Variants in PCDHGA6 observed in about 807,000 individuals in gnomAD.
The protein encoded by PCDHGA6 is protocadherin gamma subfamily A, 6.
A neutral mutation model predicts 60.6 loss-of-function variants in PCDHGA6; 41 were observed. That is an observed-to-expected ratio of 0.68 (90% CI 0.53 to 0.88). The LOEUF is 0.88. Among genes scored for constraint, PCDHGA6 ranks in the 40% least tolerant of loss-of-function variants. The pLI is 0.00. For synonymous variants in PCDHGA6, 594 were observed against 524.4 expected, an observed-to-expected ratio of 1.13 and a Z score of -1.81; for missense variants, 1,312 against 1,203.0, an observed-to-expected ratio of 1.09 and a Z score of -1.34.
In PCDHGA6 at chr5:141,490,654, C is replaced by A; in HGVS notation, c.2425-4153C>A. On this transcript the variant is annotated intron_variant, in intron 1 of 3. Transcript: ENST00000517434. The surrounding 1 kb of genome is among the most constrained non-coding windows in gnomAD (Gnocchi z 5.4). ...CCTAGAAAACCGGCCTCCGGGCTCC[C>A]TTCTTTGCACTGTGGCTGCCTCAGA... 6.2e-7 allele frequency: 1 copy of A among 1,614,206 alleles called. No individual in the cohort carries two copies. Among genetic ancestry groups the A allele is most frequent in the Non-Finnish European group, 8.5e-7 (1 of 1,180,014 alleles).
rs2099521625 is a variant in PCDHGA6, at chr5:141,480,568, G to A, written c.2425-14239G>A. 2.0e-5 allele frequency among the ~76,000 whole-genome samples: 3 copies of A among 152,338 alleles called. No individual in the cohort carries two copies. The South Asian group carries it at 6.2e-4, about 32-fold the overall frequency. Reference sequence around the variant, plus strand: ...AAAGGCTAAGAAAGCATGAAAGCCAGCAAGAAATAACTGCCGCTCTTCTGG... The same window carrying A: ...AAAGGCTAAGAAAGCATGAAAGCCAACAAGAAATAACTGCCGCTCTTCTGG... On this transcript the variant is annotated intron_variant, in intron 1 of 3. Coordinates refer to ENST00000517434, the MANE Select transcript of PCDHGA6 (RefSeq NM_018919.3).
At chr5:141,410,471 G>GC in intron 1 of PCDHGA6, 1 of 1,613,988 alleles carries the variant, frequency 6.2e-7, no homozygotes, top group Non-Finnish European at 8.5e-7. Flanking sequence ...TCTGTGCATT[G>GC]CACATACGGG....
At chr5:141,422,122 A>C in intron 1 of PCDHGA6, 1 of 1,601,714 alleles carries the variant, frequency 6.2e-7, no homozygotes, top group Non-Finnish European at 8.5e-7. Context: ...GGATTCACAA[A>C]CTGGAGAAGT....
At chr5:141,389,582 T>C (rs1266016569) in intron 1 of PCDHGA6, 2 of 1,613,146 alleles carry the variant, frequency 1.2e-6, no homozygotes, top group Non-Finnish European at 1.7e-6. Context: ...CCGCGCTGGG[T>C]CCCGACGGCT....
At chr5:141,450,006 C>CTTTTTT (rs1554136305) in intron 1 of PCDHGA6, among the ~76,000 whole-genome samples, 15 of 132,950 alleles carry the variant, frequency 1.1e-4, no homozygotes, top group African/African-American at 2.0e-4. Context: ...TGCCATGTCT[C>CTTTTTT]TTTTTTTTTT....
chr5:141,417,704 A>G, intron 1 of PCDHGA6: 2 of 1,207,460 alleles, frequency 1.7e-6, no homozygotes, highest in Non-Finnish European at 1.1e-6. Context: ...GCTCCCACAC[A>G]GAGGCTCCCG....
At chr5:141,414,043 G>A in intron 1 of PCDHGA6, 1 of 1,611,348 alleles carries the variant, frequency 6.2e-7, no homozygotes, top group Non-Finnish European at 8.5e-7. Context: ...AAAATTACCT[G>A]ACACGCAATT....
Position 141,486,885 on chromosome 5 carries a change from G to A in PCDHGA6, c.2425-7922G>A, listed in dbSNP as rs139638334. On this transcript the variant is annotated intron_variant, in intron 1 of 3. Transcript: ENST00000517434. The surrounding 1 kb of genome is among the most constrained non-coding windows in gnomAD (Gnocchi z 5.0). ...CCAGCTGTGCTCCGTCCTCGGGCCC[G>A]GCCTGGTTCCTTATGTCCCCAAGCA... is the stretch of plus-strand genomic sequence containing the variant. 16 of 1,614,076 alleles carry A rather than the reference G, an allele frequency of 9.9e-6. No individual in the cohort carries two copies. The highest frequency in any genetic ancestry group is 1.6e-4 in the Middle Eastern group (1 of 6,084).
intron 2 of PCDHGA6, among the ~76,000 whole-genome samples, chr5:141,502,056 C>T (rs1163976282): frequency 1.3e-5 from 2 of 152,116 alleles, no homozygotes; most frequent in Non-Finnish European, 2.9e-5. Flanking sequence ...CTACTTTATT[C>T]CCATTAGCCC....
At chr5:141,409,462 C>A (rs377705841) in intron 1 of PCDHGA6, 64 of 1,613,870 alleles carry the variant, frequency 4.0e-5, no homozygotes, top group Non-Finnish European at 5.3e-5. Flanking sequence ...AATACAATGT[C>A]ACCATCGTAG....
chr5:141,389,784 G>C (rs1380763543), intron 1 of PCDHGA6: 2 of 1,613,318 alleles, frequency 1.2e-6, no homozygotes, highest in South Asian at 2.2e-5. Flanking sequence ...AGGCGACAGG[G>C]ACGCCGTCCG....
chr5:141,472,980 C>CAAAAAAAAAAAAAAAAAAGAAAAAAA (rs60579131), intron 1 of PCDHGA6, among the ~76,000 whole-genome samples: 1 of 86,106 alleles, frequency 1.2e-5, no homozygotes, highest in South Asian at 4.3e-4. Flanking sequence ...GAGTGAAACT[C>CAAAAAAAAAAAAAAAAAAGAAAAAAA]AAAAAAAAAA....
Position 141,432,488 on chromosome 5 carries a change from C to G in PCDHGA6, c.2424+55981C>G. 6.2e-7 allele frequency: 1 copy of G among 1,614,202 alleles called. No homozygotes were observed. Among genetic ancestry groups the G allele is most frequent in the Non-Finnish European group, 8.5e-7 (1 of 1,180,048 alleles). On this transcript the variant is annotated intron_variant, in intron 1 of 3. Coordinates refer to ENST00000517434, the MANE Select transcript of PCDHGA6 (RefSeq NM_018919.3). This position sits in a 1 kb window ranked among gnomAD's most constrained non-coding sequence, Gnocchi z 6.0. ...CACGGACGGTTCCACTGGCGTGGAGCTGGCTCCCCGCTCCGCAGAGCCCGG... is the reference window on the plus strand; with the variant it reads ...CACGGACGGTTCCACTGGCGTGGAGGTGGCTCCCCGCTCCGCAGAGCCCGG...
At chr5:141,401,976 G>A (rs1479930250) in intron 1 of PCDHGA6, among the ~76,000 whole-genome samples, 2 of 152,062 alleles carry the variant, frequency 1.3e-5, no homozygotes, top group Admixed American at 1.3e-4. Context: ...ATTGATGAAG[G>A]ATTAAAATAG....
At chr5:141,413,622 T>C (rs1561743710) in intron 1 of PCDHGA6, 2 of 1,613,760 alleles carry the variant, frequency 1.2e-6, no homozygotes, top group Non-Finnish European at 1.7e-6. Flanking sequence ...TTAATGAAAA[T>C]GTCGCTGCGG....
chr5:141,482,767 A>AGCTAGTACTATAATTATTTTTATTAGTTC (rs1370824281), intron 1 of PCDHGA6, among the ~76,000 whole-genome samples: 2 of 150,588 alleles, frequency 1.3e-5, no homozygotes, highest in African/African-American at 2.5e-5. Context: ...TTTCATTATC[A>AGCTAGTACTATAATTATTTTTATTAGTTC]CTGAACCTTA....
At chr5:141,506,240 G>A (rs918820495) in intron 3 of PCDHGA6, among the ~76,000 whole-genome samples, 8 of 152,184 alleles carry the variant, frequency 5.3e-5, no homozygotes, top group Middle Eastern at 3.4e-3. Flanking sequence ...CATGAGGTCA[G>A]GAGTTCGAAA....
rs568472427 is a variant in PCDHGA6, at chr5:141,460,924, A to G, written c.2425-33883A>G. 3.3e-4 allele frequency among the ~76,000 whole-genome samples: 50 copies of G among 150,592 alleles called. No homozygotes were observed. The East Asian group carries it at 6.6e-3, about 20-fold the overall frequency. Reference sequence around the variant, plus strand: ...AATATTCCATGGTGTATATATATATATGTGTGTGTGTATATATATGTATTA... The same window carrying G: ...AATATTCCATGGTGTATATATATATGTGTGTGTGTGTATATATATGTATTA... On this transcript the variant is annotated intron_variant, in intron 1 of 3. Coordinates refer to ENST00000517434, the MANE Select transcript of PCDHGA6 (RefSeq NM_018919.3).
chr5:141,449,876 C>G (rs924666805), intron 1 of PCDHGA6, among the ~76,000 whole-genome samples: 2 of 151,724 alleles, frequency 1.3e-5, no homozygotes, highest in Non-Finnish European at 2.9e-5. Flanking sequence ...AATTTAACAT[C>G]AATGCAATAT....
Sources: gnomAD v4.1 joint callset for allele counts (sites outside exome capture counted in the v4.1 genomes callset) on GRCh38, gnomAD v4.1.1 for gene constraint, Gnocchi (gnomAD v3.1) non-coding constraint, MANE v1.5 for transcripts, NCBI Gene and HGNC (gene_info 2026-07-23, HGNC 2026-07-21) for gene names.